NAALADL2: variants seen among roughly 807,000 people sequenced by gnomAD.
The protein encoded by NAALADL2 is inactive N-acetylated-alpha-linked acidic dipeptidase-like protein 2.
In NAALADL2, 76 loss-of-function variants were observed where a neutral mutation model predicts 87.2. The observed-to-expected ratio is 0.87, with a 90% confidence interval of 0.72 to 1.05. The LOEUF is 1.05. Ranked by LOEUF, NAALADL2 falls within the 50% of genes least tolerant of loss-of-function variation. The pLI, the probability that NAALADL2 is intolerant of heterozygous loss-of-function variation, is 0.00. For missense variants in NAALADL2, 1,089 were observed against 945.8 expected, an observed-to-expected ratio of 1.15 and a Z score of -1.99; for synonymous variants, 354 against 331.0, an observed-to-expected ratio of 1.07 and a Z score of -0.75.
chr3:175,097,426 A>G, intron 2 of NAALADL2, 135 bp downstream of exon 2: 1 of 806,668 alleles, frequency 1.2e-6, no homozygotes, highest in Non-Finnish European at 2.0e-6. Flanking sequence ...CAACAAGAAT[A>G]GAAACTTCAA....
chr3:175,602,034 T>A (rs192318603), intron 10 of NAALADL2, among the ~76,000 whole-genome samples: 107 of 152,304 alleles, frequency 7.0e-4, no homozygotes, highest in Middle Eastern at 3.4e-3. Context: ...ATACATATAC[T>A]TTTGTGATTG....
chr3:174,994,213 G>A (rs1747121462), intron 1 of NAALADL2, among the ~76,000 whole-genome samples: 1 of 152,168 alleles, frequency 6.6e-6, no homozygotes, highest in Admixed American at 6.5e-5. Flanking sequence ...TGTTATCTGA[G>A]TGTCATTGTA....
At chr3:174,604,502 T>C (rs1411250017) in intron 2 of NAALADL2, among the ~76,000 whole-genome samples, 1 of 152,092 alleles carries the variant, frequency 6.6e-6, no homozygotes, top group Non-Finnish European at 1.5e-5. Context: ...CTGAGTCCTG[T>C]TTTTTGTTTT....
intron 1 of NAALADL2, among the ~76,000 whole-genome samples, chr3:174,510,927 T>G (rs986851494): frequency 6.6e-6 from 1 of 151,996 alleles, no homozygotes; most frequent in African/African-American, 2.4e-5. Flanking sequence ...AAACGTTTTC[T>G]AATTTCTATT....
At chr3:175,447,155 T>A (rs1720836855) in intron 5 of NAALADL2, 74 bp from the exon 6 acceptor site, 3 of 914,526 alleles carry the variant, frequency 3.3e-6, no homozygotes, top group Admixed American at 3.2e-5. Context: ...AAATACTTAT[T>A]ACAGATAACT....
intron 11 of NAALADL2, among the ~76,000 whole-genome samples, chr3:175,647,226 G>A (rs762012263): frequency 1.7e-4 from 26 of 152,088 alleles, no homozygotes; most frequent in African/African-American, 4.1e-4. Flanking sequence ...CAGAAGTCAC[G>A]TCTGCTATCC....
intron 1 of NAALADL2, among the ~76,000 whole-genome samples, chr3:174,947,348 G>A (rs944990784): frequency 9.9e-5 from 15 of 152,092 alleles, no homozygotes; most frequent in African/African-American, 2.2e-4. Context: ...AAATTTATAA[G>A]CCTTCCTGGA....
intron 2 of NAALADL2, among the ~76,000 whole-genome samples, chr3:174,693,344 G>T (rs137926509): frequency 2.0e-5 from 3 of 152,272 alleles, no homozygotes; most frequent in African/African-American, 4.8e-5. Context: ...ATAGGGTGTT[G>T]CATCTTTCCT....
chr3:174,972,164 G>T (rs1743775154), intron 1 of NAALADL2, among the ~76,000 whole-genome samples: 1 of 152,156 alleles, frequency 6.6e-6, no homozygotes, highest in East Asian at 1.9e-4. Context: ...CCTTAAGTTT[G>T]TGATGCCTAA....
intron 9 of NAALADL2, among the ~76,000 whole-genome samples, chr3:175,558,194 C>CAAAAAAAAAAAA (rs71164638): frequency 6.1e-5 from 5 of 82,436 alleles, no homozygotes; most frequent in African/African-American, 1.9e-4. Flanking sequence ...GACCCCGTCT[C>CAAAAAAAAAAAA]AAAAAAAAAA....
chr3:175,227,787 A>G (rs1036187730), intron 2 of NAALADL2, among the ~76,000 whole-genome samples: 1 of 151,984 alleles, frequency 6.6e-6, no homozygotes, highest in Non-Finnish European at 1.5e-5. Flanking sequence ...AAGAAGGCTG[A>G]TTTAAAACAA....
At chr3:174,772,925 A>C (rs1001541213) in intron 3 of NAALADL2, among the ~76,000 whole-genome samples, 7 of 152,222 alleles carry the variant, frequency 4.6e-5, no homozygotes, top group Non-Finnish European at 1.0e-4. Flanking sequence ...TAAAGGAATT[A>C]AAAAATACAG....
chr3:174,780,539 A>G (rs1244675063), intron 3 of NAALADL2, among the ~76,000 whole-genome samples: 2 of 152,240 alleles, frequency 1.3e-5, no homozygotes, highest in Admixed American at 6.5e-5. Flanking sequence ...GTGGTGAGAG[A>G]GGCCATCCTT....
intron 1 of NAALADL2, among the ~76,000 whole-genome samples, chr3:175,016,567 T>TA (rs972485586): frequency 1.7e-4 from 26 of 151,368 alleles, no homozygotes; most frequent in Admixed American, 1.2e-3. Context: ...TGTGCTTTAT[T>TA]AAAAAAAATT....
intron 5 of NAALADL2, among the ~76,000 whole-genome samples, chr3:175,337,972 GA>G (rs1175848042): frequency 1.3e-5 from 2 of 152,156 alleles, no homozygotes; most frequent in African/African-American, 4.8e-5. Flanking sequence ...GTGGTGTATG[GA>G]AACCCTGCCT....
At chr3:175,224,161 G>A (rs1743819378) in intron 2 of NAALADL2, among the ~76,000 whole-genome samples, 1 of 152,112 alleles carries the variant, frequency 6.6e-6, no homozygotes, top group Non-Finnish European at 1.5e-5. Flanking sequence ...CCTACAGACT[G>A]GGATAATTAT....
intron 2 of NAALADL2, among the ~76,000 whole-genome samples, chr3:174,641,453 T>C (rs1723180473): frequency 6.6e-6 from 1 of 152,146 alleles, no homozygotes; most frequent in South Asian, 2.1e-4. Context: ...GATGCAGAAT[T>C]AGCAACAGGA....
At chr3:175,142,794 T>C (rs1309947118) in intron 2 of NAALADL2, among the ~76,000 whole-genome samples, 1 of 151,968 alleles carries the variant, frequency 6.6e-6, no homozygotes, top group Non-Finnish European at 1.5e-5. Flanking sequence ...TTACATGATT[T>C]TGGCTATTTG....
intron 2 of NAALADL2, among the ~76,000 whole-genome samples, chr3:175,133,049 G>A (rs1580627644): frequency 6.6e-6 from 1 of 151,068 alleles, no homozygotes. Context: ...CCCAGACGGG[G>A]CGGCGGGGCA....
Sources: allele counts gnomAD v4.1 joint callset (sites outside exome capture counted in the v4.1 genomes callset), GRCh38; gene constraint gnomAD v4.1.1; transcripts MANE v1.5; gene names NCBI Gene and HGNC (gene_info 2026-07-23, HGNC 2026-07-21).